The following PIK3C3 variants were observed in gnomAD, a reference collection of about 807,000 sequenced individuals.
PIK3C3 encodes the protein phosphatidylinositol 3-kinase catalytic subunit type 3, also known as PI3-kinase type 3.
PIK3C3 carries 95 observed loss-of-function variants against 126.1 expected under a neutral mutation model. That is an observed-to-expected ratio of 0.75 (90% confidence interval 0.64 to 0.89). The LOEUF (loss-of-function observed/expected upper bound fraction) is 0.89, where lower values mean the gene tolerates loss of function less well. Among genes scored for constraint, PIK3C3 ranks in the 40% least tolerant of loss-of-function variants. The pLI, the probability that PIK3C3 is intolerant of heterozygous loss-of-function variation, is 0.00. For missense variants in PIK3C3, 829 were observed against 1,063.2 expected (o/e 0.78, Z 3.06); for synonymous variants, 374 against 360.0 (o/e 1.04, Z -0.44).
At chr18:42,029,494 T>A in intron 15 of PIK3C3, 53 bp downstream of exon 15, 2 of 935,762 alleles carry the variant, frequency 2.1e-6, no homozygotes, top group South Asian at 2.7e-5. Context: ...CATCAGAAAA[T>A]ACTGAATTTT....
chr18:41,993,020 C>T (rs1349728332), intron 6 of PIK3C3, among the ~76,000 whole-genome samples: 2 of 152,046 alleles, frequency 1.3e-5, no homozygotes, highest in East Asian at 3.8e-4. Flanking sequence ...ATCTAATTTC[C>T]AGACCTCATA....
At chr18:42,001,699 G>A (rs1048879494) in intron 9 of PIK3C3, among the ~76,000 whole-genome samples, 1 of 152,034 alleles carries the variant, frequency 6.6e-6, no homozygotes, top group African/African-American at 2.4e-5. Flanking sequence ...CATAAATCTT[G>A]CTAATAAGTC....
At chr18:42,013,053 G>GA (rs35285902) in intron 10 of PIK3C3, among the ~76,000 whole-genome samples, 2 of 149,502 alleles carry the variant, frequency 1.3e-5, no homozygotes, top group African/African-American at 2.5e-5. Flanking sequence ...ATCCATTACT[G>GA]AAAAAAAGGA....
rs1448239841 is a variant in PIK3C3 at position 42,058,040 on chromosome 18, C to T, written c.2421C>T (p.Leu807=). 1 of 1,582,706 alleles carries T rather than the reference C, an allele frequency of 6.3e-7. No individual in the cohort carries two copies. The highest frequency in any genetic ancestry group is 8.6e-7 in the Non-Finnish European group (1 of 1,166,456). Residue 807 remains leucine (L), a synonymous_variant, in exon 22 of 25, where the codon CTC becomes CTT. Transcript: ENST00000262039. ...GTAAACAGTGTTACACGGCTTTCCT[C>T]CACCTGCGAAGGTAAGTTGATTTGC... The part of the protein sequence containing the change: ...EFRKQCYTAF[L]HLRRYSNLIL...
intron 3 of PIK3C3, among the ~76,000 whole-genome samples, chr18:41,965,312 A>T (rs940082067): frequency 6.6e-6 from 1 of 152,204 alleles, no homozygotes; most frequent in African/African-American, 2.4e-5. Context: ...GGACTTTAGG[A>T]TCTAGTTTCA....
intron 16 of PIK3C3, among the ~76,000 whole-genome samples, chr18:42,037,186 A>G (rs1194807731): frequency 6.6e-6 from 1 of 152,212 alleles, no homozygotes; most frequent in Non-Finnish European, 1.5e-5. Context: ...ATTAAAAACC[A>G]GGGCTCTTCA....
intron 5 of PIK3C3, among the ~76,000 whole-genome samples, chr18:41,989,485 TATC>T (rs780062347): frequency 6.6e-6 from 1 of 152,170 alleles, no homozygotes; most frequent in Admixed American, 6.6e-5. Context: ...TGCCTCATCA[TATC>T]ATTTCAGTCA....
At chr18:41,985,664 G>A (rs1399724192) in intron 4 of PIK3C3, among the ~76,000 whole-genome samples, 1 of 152,060 alleles carries the variant, frequency 6.6e-6, no homozygotes, top group Non-Finnish European at 1.5e-5. Context: ...GTGCACAAAT[G>A]TGAATTTCTC....
intron 24 of PIK3C3, among the ~76,000 whole-genome samples, chr18:42,078,980 C>G (rs1419100568): frequency 1.3e-5 from 2 of 152,324 alleles, no homozygotes; most frequent in Non-Finnish European, 2.9e-5. Flanking sequence ...CAAAAACTTC[C>G]TCCATATCAG....
At chr18:41,968,724 A>G (rs1183561746) in intron 3 of PIK3C3, among the ~76,000 whole-genome samples, 2 of 152,176 alleles carry the variant, frequency 1.3e-5, no homozygotes, top group East Asian at 1.9e-4. Flanking sequence ...AGGAAAATCT[A>G]TGAAGAAAGT....
intron 4 of PIK3C3, among the ~76,000 whole-genome samples, chr18:41,983,991 C>G (rs930835794): frequency 1.3e-5 from 2 of 148,914 alleles, no homozygotes; most frequent in African/African-American, 5.0e-5. Flanking sequence ...TTCTTCCAAA[C>G]TCTTTGTGAC....
At chr18:42,039,569 G>A (rs886319168) in intron 18 of PIK3C3, among the ~76,000 whole-genome samples, 1 of 152,126 alleles carries the variant, frequency 6.6e-6, no homozygotes, top group Non-Finnish European at 1.5e-5. Flanking sequence ...TAGCCATACT[G>A]GCTACCTTCT....
At chr18:41,964,207 C>T (rs934502458) in intron 3 of PIK3C3, among the ~76,000 whole-genome samples, 1 of 152,096 alleles carries the variant, frequency 6.6e-6, no homozygotes, top group Non-Finnish European at 1.5e-5. Context: ...TTTGTCCCAA[C>T]ACTGCTTATT....
At chr18:42,031,765 T>C (rs1258320886) in intron 15 of PIK3C3, among the ~76,000 whole-genome samples, 1 of 152,218 alleles carries the variant, frequency 6.6e-6, no homozygotes, top group African/African-American at 2.4e-5. Flanking sequence ...ACTGTTAATA[T>C]TATAAGCAGT....
chr18:41,964,674 GGTTT>G (rs1379737278), intron 3 of PIK3C3, among the ~76,000 whole-genome samples: 4 of 151,936 alleles, frequency 2.6e-5, no homozygotes, highest in African/African-American at 9.7e-5. Context: ...AATATTTCCA[GGTTT>G]GTTTTGGCAG....
chr18:42,061,449 G>T (rs1232798842), intron 22 of PIK3C3, among the ~76,000 whole-genome samples: 8 of 152,120 alleles, frequency 5.3e-5, no homozygotes, highest in Non-Finnish European at 1.2e-4. Context: ...CTGGCATAGT[G>T]GCACTGCCTG....
intron 3 of PIK3C3, among the ~76,000 whole-genome samples, chr18:41,967,041 CT>C (rs563654984): frequency 6.0e-4 from 90 of 149,002 alleles, no homozygotes; most frequent in African/African-American, 1.4e-3. Flanking sequence ...ATTAAAACAA[CT>C]TTTTTTTTTT....
rs768057736 is a variant in PIK3C3 at position 42,015,456 on chromosome 18, C to G, written c.1326-20C>G. 30 of 1,575,824 alleles carry G rather than the reference C, an allele frequency of 1.9e-5. No individual in the cohort carries two copies. The East Asian group carries it at 6.5e-4, about 34-fold the overall frequency. On this transcript the variant is annotated intron_variant, in intron 11 of 24. Coordinates refer to ENST00000262039, the MANE Select transcript of PIK3C3 (RefSeq NM_002647.4). ...ACAGAGTATTTTACATCTCAGTGATCTCTTTTATTACTTTTTCAGCTCCCA... is the reference window on the plus strand; with the variant it reads ...ACAGAGTATTTTACATCTCAGTGATGTCTTTTATTACTTTTTCAGCTCCCA...
At chr18:42,040,857 A>G (rs1034249596) in intron 19 of PIK3C3, 116 bp downstream of exon 19, 1 of 699,666 alleles carries the variant, frequency 1.4e-6, no homozygotes, top group South Asian at 1.9e-5. Flanking sequence ...TCTTTCTTCA[A>G]GTTTTTTTTC....
Sources: gnomAD v4.1 joint callset for allele counts (sites outside exome capture counted in the v4.1 genomes callset) on GRCh38, gnomAD v4.1.1 for gene constraint, MANE v1.5 for transcripts, NCBI Gene and HGNC (gene_info 2026-07-23, HGNC 2026-07-21) for gene names.